The following ZDHHC1 variants were observed in gnomAD, a reference collection of about 807,000 sequenced individuals.
ZDHHC1 encodes palmitoyltransferase ZDHHC1.
In ZDHHC1, 45 loss-of-function variants were observed where a neutral mutation model predicts 46.9. The observed-to-expected ratio is 0.96, with a 90% CI of 0.76 to 1.23. ZDHHC1 has a LOEUF of 1.23. Ranked by LOEUF, ZDHHC1 falls within the 50% of genes most tolerant of loss-of-function variation. The pLI is 0.00. For missense variants in ZDHHC1, 649 were observed against 670.8 expected, an observed-to-expected ratio of 0.97 and a Z score of 0.36; for synonymous variants, 291 against 286.0, an observed-to-expected ratio of 1.02 and a Z score of -0.18.
In ZDHHC1 at chr16:67,395,081, G is replaced by T; in HGVS notation, c.1105-19C>A. On this transcript the variant is annotated intron_variant, in intron 10 of 11. Coordinates refer to ENST00000565726, the MANE Select transcript of ZDHHC1 (RefSeq NM_001323627.2). The stretch of plus-strand genomic sequence containing the variant: ...TCTTTTTCTGCAGAGACACGGGGGA[G>T]CCTGAGGGCCCCACATCGCCAAAAG... The T allele has an allele frequency of 1.9e-6, 3 of 1,613,326 alleles. No homozygotes were observed. Among genetic ancestry groups the T allele is most frequent in the African/African-American group, 2.7e-5 (2 of 75,060 alleles).
intron 1 of ZDHHC1, among the ~76,000 whole-genome samples, chr16:67,414,970 C>G (rs1294714689): frequency 1.6e-4 from 24 of 152,214 alleles, no homozygotes; most frequent in Non-Finnish European, 8.8e-5. Flanking sequence ...AACCCCGTTT[C>G]TACTAAAAAT....
In ZDHHC1 at chr16:67,398,286, G is replaced by A; in HGVS notation, c.853C>T (p.His285Tyr). 6.2e-7 allele frequency: 1 copy of A among 1,614,060 alleles called. No individual in the cohort carries two copies. Residue 285 changes from histidine (H) to tyrosine (Y), a missense_variant, in exon 8 of 12, where the codon CAC (histidine) becomes TAC (tyrosine). Coordinates refer to ENST00000565726, the MANE Select transcript of ZDHHC1 (RefSeq NM_001323627.2). ...CCCTTGGCCTCCTGTGGTGGGCGGTGCTGCACGATGTACTCATAGGTGGTG... is the reference window on the plus strand; with the variant it reads ...CCCTTGGCCTCCTGTGGTGGGCGGTACTGCACGATGTACTCATAGGTGGTG... ...KLTTYEYIVQ[H>Y]RPPQEAKGVH... is the part of the protein sequence containing the mutation.
rs530691069 is a variant in ZDHHC1 at position 67,394,333 on chromosome 16, G to C, written c.*277C>G. The C allele has an allele frequency of 1.3e-4, 21 of 166,942 alleles. No homozygotes were observed. The highest frequency in any genetic ancestry group is 4.0e-4 in the South Asian group (2 of 4,986). The allele number at this position is 166,942 out of a possible 1,614,324, so 10.3% of individuals were successfully genotyped here. A position where few individuals can be genotyped will look rare whatever the true frequency, so the allele number is the denominator to read the frequency against. ...CCTGGGTGGCTACCTACTATACAGGGACCTCCTCCCCGCCCCCGGTCCACT... is the reference window on the plus strand; with the variant it reads ...CCTGGGTGGCTACCTACTATACAGGCACCTCCTCCCCGCCCCCGGTCCACT... On this transcript the variant is annotated 3_prime_UTR_variant, in exon 12 of 12. Coordinates refer to ENST00000565726, the MANE Select transcript of ZDHHC1 (RefSeq NM_001323627.2).
intron 4 of ZDHHC1, 77 bp from the exon 5 acceptor site, chr16:67,399,533 T>A: frequency 1.6e-6 from 2 of 1,268,648 alleles, no homozygotes; most frequent in Non-Finnish European, 2.2e-6. Flanking sequence ...GGTGGTTGAG[T>A]GGGGTCTGTG....
Position 67,401,096 on chromosome 16 carries a change from GCAC to G in ZDHHC1, c.286_288del (p.Val96del). 6.2e-7 allele frequency: 1 copy of G among 1,614,076 alleles called. No homozygotes were observed. Among genetic ancestry groups the G allele is most frequent in the Non-Finnish European group, 8.5e-7 (1 of 1,180,024 alleles). On this transcript the variant is annotated inframe_deletion, in exon 4 of 12. Coordinates refer to ENST00000565726, the MANE Select transcript of ZDHHC1 (RefSeq NM_001323627.2). This position sits in a 1 kb window ranked among gnomAD's most constrained non-coding sequence, Gnocchi z 4.6. ...GGATCGATGGAGACGGCGGTCAGGT[GCAC>G]CACAAGGTGGCCAGCAAAGATGGCG...
Position 67,401,099 on chromosome 16 carries a change from C to T in ZDHHC1, c.286G>A (p.Val96Met). The change falls in exon 4 of 12, where the codon GTG becomes ATG. Residue 96 changes from valine (V) to methionine (M), a missense_variant. Val to Met is a conservative substitution (Grantham distance 21). Transcript: ENST00000565726. The surrounding 1 kb of genome is among the most constrained non-coding windows in gnomAD (Gnocchi z 4.6). ...TCGATGGAGACGGCGGTCAGGTGCA[C>T]CACAAGGTGGCCAGCAAAGATGGCG... ...MGAIFAGHLV[V>M]HLTAVSIDPA... 6.2e-7 allele frequency: 1 copy of T among 1,614,048 alleles called. No homozygotes were observed. Among genetic ancestry groups the T allele is most frequent in the Non-Finnish European group, 8.5e-7 (1 of 1,180,020 alleles).
At chr16:67,395,105 A>G (rs749163142) in intron 10 of ZDHHC1, 43 bp from the exon 11 acceptor site, 5 of 1,613,308 alleles carry the variant, frequency 3.1e-6, no homozygotes, top group Non-Finnish European at 4.2e-6. Context: ...CATCGCCAAA[A>G]GAAGCAGAGG....
Position 67,406,698 on chromosome 16 carries a change from C to G in ZDHHC1, c.10-256G>C, listed in dbSNP as rs2142252104. 6.6e-6 allele frequency among the ~76,000 whole-genome samples: 1 copy of G among 152,322 alleles called. No homozygotes were observed. Among genetic ancestry groups the G allele is most frequent in the African/African-American group, 2.4e-5 (1 of 41,568 alleles). ...AGGAGGGCCCAGGATTTATTCAGGA[C>G]ACAGTGCTGCTGCCTGTAACTCAAA... is the stretch of plus-strand genomic sequence containing the variant. On this transcript the variant is annotated intron_variant, in intron 2 of 11. Transcript: ENST00000565726. This position sits in a 1 kb window ranked among gnomAD's most constrained non-coding sequence, Gnocchi z 4.1.
chr16:67,407,860 G>A, intron 1 of ZDHHC1, 47 bp from the exon 2 acceptor site: 1 of 754,774 alleles, frequency 1.3e-6, no homozygotes, highest in Non-Finnish European at 2.5e-6. Context: ...TGGAATCCTG[G>A]TCCACCCTAA....
intron 1 of ZDHHC1, among the ~76,000 whole-genome samples, chr16:67,409,891 G>A (rs1397367256): frequency 6.6e-5 from 10 of 150,676 alleles, no homozygotes; most frequent in African/African-American, 2.0e-4. Flanking sequence ...GGACGGACAC[G>A]AACAGATACC....
At chr16:67,408,637 T>C (rs1190398135) in intron 1 of ZDHHC1, among the ~76,000 whole-genome samples, 5 of 151,636 alleles carry the variant, frequency 3.3e-5, no homozygotes, top group African/African-American at 1.2e-4. Context: ...CAGCGGCGTG[T>C]TGCCATGCCT....
chr16:67,399,218 A>G, intron 5 of ZDHHC1, 137 bp downstream of exon 5: 1 of 852,244 alleles, frequency 1.2e-6, no homozygotes, highest in Non-Finnish European at 1.8e-6. Context: ...CTCTCTGGGC[A>G]GCACCCCCGC....
intron 1 of ZDHHC1, among the ~76,000 whole-genome samples, chr16:67,411,910 C>T (rs562176825): frequency 1.6e-4 from 24 of 152,196 alleles, no homozygotes; most frequent in South Asian, 2.1e-4. Context: ...GTCAGGAGTT[C>T]GTGACCAGCC....
chr16:67,399,685 G>T (rs1441427744), intron 4 of ZDHHC1, among the ~76,000 whole-genome samples: 1 of 152,170 alleles, frequency 6.6e-6, no homozygotes, highest in Non-Finnish European at 1.5e-5. Flanking sequence ...CGCAGGAGGG[G>T]TAAGGAGGTG....
At chr16:67,405,297 C>T (rs1216706108) in intron 3 of ZDHHC1, among the ~76,000 whole-genome samples, 1 of 152,220 alleles carries the variant, frequency 6.6e-6, no homozygotes, top group Admixed American at 6.5e-5. Context: ...TCCCATCAGA[C>T]AGAGGAGGAG....
intron 1 of ZDHHC1, among the ~76,000 whole-genome samples, chr16:67,415,188 T>C (rs1184272235): frequency 6.6e-6 from 1 of 152,098 alleles, no homozygotes; most frequent in East Asian, 1.9e-4. Context: ...CCGCTTGCAG[T>C]GGCTCACACC....
Position 67,398,738 on chromosome 16 carries a change from G to A in ZDHHC1, c.656-7C>T. On this transcript the variant is annotated splice_region_variant and splice_polypyrimidine_tract_variant and intron_variant, in intron 6 of 11. Transcript: ENST00000565726. The stretch of plus-strand genomic sequence containing the variant: ...TCCGTGTGATTCTTCAGGACTGCAA[G>A]GCACAGGCAGTGTGTGCTCAGCCGG... The A allele has an allele frequency of 6.2e-7, 1 of 1,610,626 alleles. No individual in the cohort carries two copies. Among genetic ancestry groups the A allele is most frequent in the Non-Finnish European group, 8.5e-7 (1 of 1,178,772 alleles).
rs576064747 is a variant in ZDHHC1, at chr16:67,407,714, G to T, written c.9+53C>A. 6.4e-6 allele frequency: 5 copies of T among 780,548 alleles called. 1 individual carries two copies. The Admixed American group carries it at 8.5e-5, about 13-fold the overall frequency. 48.4% of individuals were successfully genotyped at this position (780,548 alleles called of 1,614,324 possible). A position where few individuals can be genotyped will look rare whatever the true frequency, so the allele number is the denominator to read the frequency against. On this transcript the variant is annotated intron_variant, in intron 2 of 11. Transcript: ENST00000565726. ...AAAGGCAGCAAATGTGCTGGGTGGG[G>T]TTTATTCATCTCTGTCCCCTATGTC...
In ZDHHC1 at chr16:67,407,796, T is replaced by C; in HGVS notation, c.-21A>G. ...TACATAGTAGATCCTCAGTAAATGT[T>C]TGCTGACTTGAAAACAGCTGAAATA... On this transcript the variant is annotated 5_prime_UTR_variant, in exon 2 of 12. Transcript: ENST00000565726. 1 of 780,918 alleles carries C rather than the reference T, an allele frequency of 1.3e-6. No individual in the cohort carries two copies. Among genetic ancestry groups the C allele is most frequent in the South Asian group, 1.3e-5 (1 of 74,586 alleles). The allele number at this position is 780,918 out of a possible 1,614,324, so 48.4% of individuals were successfully genotyped here.
Sources: allele counts gnomAD v4.1 joint callset (sites outside exome capture counted in the v4.1 genomes callset), GRCh38; gene constraint gnomAD v4.1.1; non-coding constraint Gnocchi (gnomAD v3.1); transcripts MANE v1.5; gene names NCBI Gene and HGNC (gene_info 2026-07-23, HGNC 2026-07-21).